The following GPC5 variants were observed in gnomAD, a reference collection of about 807,000 sequenced individuals.
The protein encoded by GPC5 is glypican-5.
In GPC5, 47 loss-of-function variants were observed where a neutral mutation model predicts 53.9. The ratio of observed to expected loss-of-function variants is 0.87; its 90% CI spans 0.69 to 1.11. The LOEUF (loss-of-function observed/expected upper bound fraction) is 1.11. GPC5 is among the 50% of genes most tolerant of loss of function. GPC5 has a pLI of 0.00. For synonymous variants in GPC5, 286 were observed against 263.3 expected (o/e 1.09, Z -0.84); for missense variants, 748 against 713.1 (o/e 1.05, Z -0.56).
At chr13:92,078,669 C>G (rs955017377) in intron 6 of GPC5, among the ~76,000 whole-genome samples, 3 of 152,152 alleles carry the variant, frequency 2.0e-5, no homozygotes, top group African/African-American at 4.8e-5. Context: ...CCTTCATACA[C>G]TGCTTCCAAT....
intron 5 of GPC5, among the ~76,000 whole-genome samples, chr13:91,851,059 AC>A (rs1447564050): frequency 1.3e-5 from 2 of 152,194 alleles, no homozygotes; most frequent in East Asian, 3.8e-4. Flanking sequence ...GGAAGGCACT[AC>A]AAATGCACAT....
At chr13:92,697,202 A>AAATT (rs1178659387) in intron 7 of GPC5, among the ~76,000 whole-genome samples, 1 of 152,122 alleles carries the variant, frequency 6.6e-6, no homozygotes, top group African/African-American at 2.4e-5. Flanking sequence ...GTTCCATATG[A>AAATT]AATTTAAAGT....
chr13:92,586,228 G>A (rs1294501505), intron 7 of GPC5, among the ~76,000 whole-genome samples: 2 of 152,180 alleles, frequency 1.3e-5, no homozygotes, highest in African/African-American at 4.8e-5. Context: ...AAACTGCAAG[G>A]AAATTTCTGA....
chr13:92,294,785 T>G (rs1490434616), intron 7 of GPC5, among the ~76,000 whole-genome samples: 1 of 151,622 alleles, frequency 6.6e-6, no homozygotes, highest in Non-Finnish European at 1.5e-5. Context: ...AGGTGTGACC[T>G]TAGATTATCT....
At chr13:91,745,731 G>GA (rs34705780) in intron 4 of GPC5, among the ~76,000 whole-genome samples, 2 of 151,900 alleles carry the variant, frequency 1.3e-5, no homozygotes, top group Non-Finnish European at 2.9e-5. Context: ...TGCTCTTTTG[G>GA]AAAAAAAATT....
intron 7 of GPC5, among the ~76,000 whole-genome samples, chr13:92,330,712 C>T (rs2043282468): frequency 6.6e-6 from 1 of 152,014 alleles, no homozygotes. Context: ...TGTCAATTTT[C>T]CCAGACAGGA....
At chr13:91,846,290 T>C (rs776403928) in intron 5 of GPC5, among the ~76,000 whole-genome samples, 7 of 152,060 alleles carry the variant, frequency 4.6e-5, no homozygotes, top group Non-Finnish European at 1.0e-4. Flanking sequence ...CTAAACTGCA[T>C]GCTTTATGTT....
At chr13:92,460,641 T>C (rs928630771) in intron 7 of GPC5, among the ~76,000 whole-genome samples, 1 of 152,162 alleles carries the variant, frequency 6.6e-6, no homozygotes, top group African/African-American at 2.4e-5. Flanking sequence ...TCTACAAATA[T>C]AGTAGTTGTT....
intron 5 of GPC5, among the ~76,000 whole-genome samples, chr13:91,842,135 T>C (rs1156539103): frequency 6.6e-6 from 1 of 151,878 alleles, no homozygotes; most frequent in Non-Finnish European, 1.5e-5. Flanking sequence ...TCAAGAAGGG[T>C]TTCTTTTCTA....
chr13:91,492,130 T>C (rs1047495617), intron 2 of GPC5, among the ~76,000 whole-genome samples: 2 of 152,234 alleles, frequency 1.3e-5, no homozygotes, highest in African/African-American at 2.4e-5. Context: ...TAATATTCAA[T>C]TTATCCTTTT....
At chr13:92,264,878 C>G (rs9523560) in intron 7 of GPC5, among the ~76,000 whole-genome samples, 4,412 of 104,510 alleles carry the variant, frequency 0.042, 109 homozygotes, top group East Asian at 0.06. Context: ...CTCTCTCTCT[C>G]TGTGTGTGTG....
chr13:92,835,199 T>C (rs1878183026), intron 7 of GPC5, among the ~76,000 whole-genome samples: 1 of 152,016 alleles, frequency 6.6e-6, no homozygotes, highest in Non-Finnish European at 1.5e-5. Context: ...AATATTGTTT[T>C]CCTAAACACA....
intron 7 of GPC5, among the ~76,000 whole-genome samples, chr13:92,544,038 C>A (rs929584921): frequency 6.6e-6 from 1 of 151,828 alleles, no homozygotes; most frequent in Non-Finnish European, 1.5e-5. Flanking sequence ...TAGAAGTACC[C>A]TTGATATAGT....
intron 6 of GPC5, among the ~76,000 whole-genome samples, chr13:92,089,996 G>T (rs764202610): frequency 5.9e-5 from 9 of 152,104 alleles, no homozygotes; most frequent in African/African-American, 2.2e-4. Context: ...CATTGAGTTC[G>T]TATCATGTCC....
intron 6 of GPC5, among the ~76,000 whole-genome samples, chr13:91,992,752 G>A (rs996845176): frequency 3.3e-5 from 5 of 152,078 alleles, no homozygotes; most frequent in African/African-American, 1.2e-4. Context: ...CACCATGCCT[G>A]GCTAAAGCTA....
intron 7 of GPC5, among the ~76,000 whole-genome samples, chr13:92,377,058 G>T (rs55812408): frequency 0.027 from 4,082 of 151,898 alleles, 187 homozygotes; most frequent in African/African-American, 0.094. Context: ...ACTGAAGTAA[G>T]ACAGTCATGT....
At chr13:92,123,646 G>A (rs907046144) in intron 6 of GPC5, among the ~76,000 whole-genome samples, 3 of 152,052 alleles carry the variant, frequency 2.0e-5, no homozygotes, top group South Asian at 2.1e-4. Context: ...TAATGATTAC[G>A]CCTTTACAGC....
chr13:91,832,407 G>T (rs535802958), intron 5 of GPC5, among the ~76,000 whole-genome samples: 1 of 150,576 alleles, frequency 6.6e-6, no homozygotes, highest in Admixed American at 6.7e-5. Flanking sequence ...CCTGAATAGA[G>T]TACACTGATG....
At chr13:92,479,437 A>C (rs990550230) in intron 7 of GPC5, among the ~76,000 whole-genome samples, 3 of 152,242 alleles carry the variant, frequency 2.0e-5, no homozygotes, top group African/African-American at 7.2e-5. Context: ...GTAGCTTAAC[A>C]AAAGTTCATA....
Sources: allele counts gnomAD v4.1 joint callset (sites outside exome capture counted in the v4.1 genomes callset), GRCh38; gene constraint gnomAD v4.1.1; transcripts MANE v1.5; gene names NCBI Gene and HGNC (gene_info 2026-07-23, HGNC 2026-07-21).